Variants in ELL observed in about 807,000 individuals in gnomAD.
The protein encoded by ELL is elongation factor for RNA polymerase II.
Under a neutral mutation model 64.0 loss-of-function variants are expected in ELL, and 18 were observed. That is an observed-to-expected ratio of 0.28 (90% CI 0.19 to 0.42). The LOEUF (loss-of-function observed/expected upper bound fraction) is 0.42. Ranked by LOEUF, ELL falls within the 10% of genes least tolerant of loss-of-function variation. ELL has a pLI of 1.00. For synonymous variants in ELL, 399 were observed against 376.2 expected, an observed-to-expected ratio of 1.06 and a Z score of -0.70; for missense variants, 797 against 870.4, an observed-to-expected ratio of 0.92 and a Z score of 1.06.
At chr19:18,471,936 G>A (rs1450355918) in intron 2 of ELL, among the ~76,000 whole-genome samples, 2 of 151,990 alleles carry the variant, frequency 1.3e-5, no homozygotes, top group Non-Finnish European at 2.9e-5. Flanking sequence ...TGGCACCAGC[G>A]ACTAGTTTCG....
At chr19:18,451,873 G>A (rs1224694763) in intron 6 of ELL, among the ~76,000 whole-genome samples, 1 of 152,220 alleles carries the variant, frequency 6.6e-6, no homozygotes, top group African/African-American at 2.4e-5. Flanking sequence ...TGAGCCCAGA[G>A]GAGGATCACT....
chr19:18,502,345 C>T (rs534138207), intron 1 of ELL, among the ~76,000 whole-genome samples: 18 of 152,240 alleles, frequency 1.2e-4, no homozygotes, highest in Non-Finnish European at 2.9e-5. Context: ...GCACCAACTA[C>T]GTCTTCTGAG....
chr19:18,471,495 CT>C, intron 2 of ELL: 1 of 262,294 alleles, frequency 3.8e-6, no homozygotes, highest in Non-Finnish European at 7.8e-6. Context: ...TGGTGAAACC[CT>C]ATCTCTACTA....
chr19:18,504,753 C>T (rs1322614412), intron 1 of ELL, among the ~76,000 whole-genome samples: 1 of 152,186 alleles, frequency 6.6e-6, no homozygotes, highest in African/African-American at 2.4e-5. Flanking sequence ...TCTCCCCCCA[C>T]CAACACACCC....
At position 18,458,332 on chromosome 19, in the gene ELL, G is replaced by A. The variant is rs1163757867; in HGVS notation, c.745-3C>T. On this transcript the variant is annotated splice_region_variant and splice_polypyrimidine_tract_variant and intron_variant, in intron 5 of 11. Coordinates refer to ENST00000262809, the MANE Select transcript of ELL (RefSeq NM_006532.4). ...TCCTTAGCACTCATGTTGGCCACCT[G>A]CAAGACAGAGCCAGCCATCACTTTG... The A allele has an allele frequency of 6.2e-7, 1 of 1,607,990 alleles. No homozygotes were observed. Among genetic ancestry groups the A allele is most frequent in the Non-Finnish European group, 8.5e-7 (1 of 1,176,624 alleles).
intron 1 of ELL, among the ~76,000 whole-genome samples, chr19:18,514,153 C>T (rs1016967363): frequency 2.6e-5 from 4 of 152,040 alleles, no homozygotes; most frequent in East Asian, 1.9e-4. Flanking sequence ...GTCTCTAGGA[C>T]GCTTTTATCT....
chr19:18,477,965 G>C (rs1417922302), intron 1 of ELL, among the ~76,000 whole-genome samples: 4 of 152,122 alleles, frequency 2.6e-5, no homozygotes, highest in Admixed American at 6.6e-5. Flanking sequence ...AGGACTGGGT[G>C]GGGGGGATGA....
chr19:18,459,613 G>A (rs147337716), intron 5 of ELL, among the ~76,000 whole-genome samples: 2 of 149,332 alleles, frequency 1.3e-5, no homozygotes, highest in South Asian at 2.1e-4. Flanking sequence ...TCCGCCTCCC[G>A]GGTTCACGCC....
Position 18,450,478 on chromosome 19 carries a change from T to A in ELL, c.1464A>T (p.Pro488=). ...ACGCCCTCCTGCCTGGGCACCTACC[T>A]GGGGTGTCTGCTGGGGCTCCGGGGG... ...HATPGAPADT[P]GLNGTCSVSS... is the part of the protein sequence containing the mutation. The change falls in exon 8 of 12, where the codon CCA becomes CCT. Residue 488 remains proline, a splice_region_variant and synonymous_variant. Coordinates refer to ENST00000262809, the MANE Select transcript of ELL (RefSeq NM_006532.4). The A allele has an allele frequency of 6.2e-7, 1 of 1,612,370 alleles. No homozygotes were observed. The highest frequency in any genetic ancestry group is 1.1e-5 in the South Asian group (1 of 91,036).
chr19:18,444,456 G>C lies in ELL; in HGVS notation c.*296C>G. On this transcript the variant is annotated 3_prime_UTR_variant, in exon 12 of 12. Transcript: ENST00000262809. ...AGAAAAGGCAGGCGCGCCACCCCAA[G>C]GGCCTAGGAGTCTTCTGGCGAGACA... 2 of 348,796 alleles carry C rather than the reference G, an allele frequency of 5.7e-6. No individual in the cohort carries two copies. The highest frequency in any genetic ancestry group is 1.0e-5 in the Non-Finnish European group (2 of 192,040). The allele number at this position is 348,796 out of a possible 1,614,324, so 21.6% of individuals were successfully genotyped here. A position where few individuals can be genotyped will look rare whatever the true frequency, so the allele number is the denominator to read the frequency against.
chr19:18,477,476 GA>G (rs1461840135), intron 1 of ELL, among the ~76,000 whole-genome samples: 1 of 152,106 alleles, frequency 6.6e-6, no homozygotes, highest in Non-Finnish European at 1.5e-5. Flanking sequence ...ACAGACCCAA[GA>G]AGCCTTGTCA....
At chr19:18,485,769 G>C (rs1017127043) in intron 1 of ELL, among the ~76,000 whole-genome samples, 1 of 152,086 alleles carries the variant, frequency 6.6e-6, no homozygotes, top group Non-Finnish European at 1.5e-5. Context: ...AGCGGATCAC[G>C]AGGTCAGGAG....
rs1186747243 is a variant in ELL at position 18,442,874 on chromosome 19, AG to A, written c.*1877del. 5.4e-6 allele frequency: 1 copy of A among 186,878 alleles called. No individual in the cohort carries two copies. Among genetic ancestry groups the A allele is most frequent in the Non-Finnish European group, 9.6e-6 (1 of 104,606 alleles). The allele number at this position is 186,878 out of a possible 1,614,324, so 11.6% of individuals were successfully genotyped here. ...TTTTTCTCCACAGTACAACATTAAA[AG>A]AAAAAAAAATAGTATCAATAAGTTA... On this transcript the variant is annotated 3_prime_UTR_variant, in exon 12 of 12. Transcript: ENST00000262809.
chr19:18,467,738 A>C (rs1217360982), intron 2 of ELL, among the ~76,000 whole-genome samples: 2 of 130,590 alleles, frequency 1.5e-5, no homozygotes, highest in African/African-American at 5.9e-5. Flanking sequence ...ATCCCCACAC[A>C]CACACAAACA....
At chr19:18,496,077 C>T (rs1360165635) in intron 1 of ELL, among the ~76,000 whole-genome samples, 1 of 152,222 alleles carries the variant, frequency 6.6e-6, no homozygotes, top group Non-Finnish European at 1.5e-5. Context: ...ACACTCCACT[C>T]GGTCCCCACA....
intron 1 of ELL, among the ~76,000 whole-genome samples, chr19:18,509,911 C>CA (rs1469197884): frequency 6.6e-6 from 1 of 152,150 alleles, no homozygotes; most frequent in African/African-American, 2.4e-5. Flanking sequence ...AAGCTTAATC[C>CA]AAAAAGGGCT....
intron 1 of ELL, among the ~76,000 whole-genome samples, chr19:18,494,284 AAGAG>A (rs761716129): frequency 1.3e-5 from 2 of 151,964 alleles, no homozygotes; most frequent in Non-Finnish European, 2.9e-5. Flanking sequence ...GGGAGGGTCA[AAGAG>A]AGAGAGAGAA....
chr19:18,522,032 C>A lies in ELL; in HGVS notation c.24G>T (p.Arg8Ser). ...CCCGCCCGCACGACAGCCCGTAGCTCCTATCCTCCTTCAGCGCCGCCATCT... is the reference window on the plus strand; with the variant it reads ...CCCGCCCGCACGACAGCCCGTAGCTACTATCCTCCTTCAGCGCCGCCATCT... MAALKED[R>S]SYGLSCGRVS... The change falls in exon 1 of 12, where the codon AGG (arginine) becomes AGT (serine). Residue 8 changes from arginine (R) to serine (S), a missense_variant. Physicochemically the swap from Arg to Ser is moderately radical, Grantham distance 110 (BLOSUM62 -1). Transcript: ENST00000262809. 3 of 1,608,042 alleles carry A rather than the reference C, an allele frequency of 1.9e-6. No homozygotes were observed. The highest frequency in any genetic ancestry group is 4.5e-5 in the East Asian group (2 of 44,112).
intron 1 of ELL, among the ~76,000 whole-genome samples, chr19:18,478,000 G>A (rs1975215677): frequency 1.3e-5 from 2 of 152,154 alleles, no homozygotes; most frequent in Non-Finnish European, 2.9e-5. Context: ...AGCAGCTGGG[G>A]TGCAGTGCCC....
Sources: allele counts gnomAD v4.1 joint callset (sites outside exome capture counted in the v4.1 genomes callset), GRCh38; gene constraint gnomAD v4.1.1; transcripts MANE v1.5; gene names NCBI Gene and HGNC (gene_info 2026-07-23, HGNC 2026-07-21).